Variants in AP2A2 observed in about 807,000 individuals in gnomAD.
AP2A2 encodes the protein AP-2 complex subunit alpha-2.
Under a neutral mutation model 104.2 loss-of-function variants are expected in AP2A2, and 32 were observed. That is an observed-to-expected ratio of 0.31 (90% CI 0.23 to 0.41). AP2A2 has a LOEUF of 0.41. AP2A2 is among the 10% of genes least tolerant of loss of function. AP2A2 has a pLI of 1.00. For synonymous variants in AP2A2, 539 were observed against 533.3 expected (o/e 1.01, Z -0.15); for missense variants, 912 against 1,261.0 (o/e 0.72, Z 4.19).
intron 1 of AP2A2, among the ~76,000 whole-genome samples, chr11:930,336 T>C (rs1200816500): frequency 6.6e-6 from 1 of 152,114 alleles, no homozygotes; most frequent in Non-Finnish European, 1.5e-5. Context: ...GTTGTAGCTT[T>C]TGTGGCTCAG....
Position 931,648 on chromosome 11 carries a change from G to A in AP2A2, c.67+5560G>A, listed in dbSNP as rs114138110. 7.9e-3 allele frequency among the ~76,000 whole-genome samples: 1,198 copies of A among 152,268 alleles called. 24 individuals are homozygous for A. Among genetic ancestry groups the A allele is most frequent in the African/African-American group, 0.028 (1,144 of 41,556 alleles). ...CAGGTCCTCACATGAAGGGGAAACA[G>A]ATGGAGAGATGTTATTAGCAAGATG... is the stretch of plus-strand genomic sequence containing the variant. On this transcript the variant is annotated intron_variant, in intron 1 of 21. Transcript: ENST00000448903.
intron 14 of AP2A2, among the ~76,000 whole-genome samples, chr11:997,069 C>T (rs1377740983): frequency 6.6e-6 from 1 of 152,166 alleles, no homozygotes; most frequent in Non-Finnish European, 1.5e-5. Context: ...TTTTCTTGCT[C>T]AGGGTCTTCT....
intron 1 of AP2A2, among the ~76,000 whole-genome samples, chr11:928,117 C>T (rs180958916): frequency 2.6e-5 from 4 of 152,280 alleles, no homozygotes; most frequent in East Asian, 1.9e-4. Context: ...CCAGGGCCTG[C>T]GTTTGACAGG....
Position 961,970 on chromosome 11 carries a change from C to G in AP2A2, c.136+2465C>G, listed in dbSNP as rs7936506. On this transcript the variant is annotated intron_variant, in intron 2 of 21. Coordinates refer to ENST00000448903, the MANE Select transcript of AP2A2 (RefSeq NM_012305.4). ...GGCAGAAGCAGATGGAGATGTGGGT[C>G]TGACAGTCGCCACCACTAGTGAAAA... is the stretch of plus-strand genomic sequence containing the variant. Among the ~76,000 whole-genome samples, 946 of 150,530 alleles carry G rather than the reference C, an allele frequency of 6.3e-3. 13 individuals carry two copies. Among genetic ancestry groups the G allele is most frequent in the African/African-American group, 0.022 (904 of 40,730 alleles).
intron 14 of AP2A2, among the ~76,000 whole-genome samples, chr11:997,972 A>G (rs1855908856): frequency 6.6e-6 from 1 of 152,256 alleles, no homozygotes; most frequent in East Asian, 1.9e-4. Context: ...CCAGGGTAAC[A>G]TCTGTGATGA....
chr11:958,534 A>G (rs1443262929), intron 1 of AP2A2, among the ~76,000 whole-genome samples: 1 of 152,240 alleles, frequency 6.6e-6, no homozygotes, highest in East Asian at 1.9e-4. Context: ...AGACTATTTT[A>G]AATGACTAGA....
Position 993,950 on chromosome 11 carries a change from C to A in AP2A2, c.1747C>A (p.Leu583Met). ...VELQQRAVEY[L>M]RLSTVASTDI... is the part of the protein sequence containing the mutation. The stretch of plus-strand genomic sequence containing the variant: ...GCTGCAGCAGCGTGCTGTGGAGTAC[C>A]TGCGGCTCAGCACCGTGGCCAGCAC... The change falls in exon 13 of 22, where the codon CTG (leucine) becomes ATG (methionine). Residue 583 changes from leucine to methionine, a missense_variant. Transcript: ENST00000448903. The surrounding 1 kb of genome is among the most constrained non-coding windows in gnomAD (Gnocchi z 8.2). 1 of 1,612,616 alleles carries A rather than the reference C, an allele frequency of 6.2e-7. No individual in the cohort carries two copies. Among genetic ancestry groups the A allele is most frequent in the Non-Finnish European group, 8.5e-7 (1 of 1,179,762 alleles).
intron 15 of AP2A2, among the ~76,000 whole-genome samples, chr11:1,002,779 C>T (rs1435002166): frequency 6.6e-6 from 1 of 152,268 alleles, no homozygotes; most frequent in African/African-American, 2.4e-5. Flanking sequence ...AGACTGGCTG[C>T]AGGAGTGGCT....
intron 1 of AP2A2, among the ~76,000 whole-genome samples, chr11:945,981 A>C (rs944952797): frequency 2.0e-5 from 3 of 152,222 alleles, no homozygotes; most frequent in Admixed American, 2.0e-4. Flanking sequence ...AGAGGCATGC[A>C]TGCTAAACAT....
intron 2 of AP2A2, among the ~76,000 whole-genome samples, chr11:963,738 T>G (rs772621088): frequency 1.4e-4 from 21 of 152,220 alleles, no homozygotes; most frequent in Non-Finnish European, 2.9e-4. Context: ...TCCTTCCACC[T>G]TGGCCTCCCA....
At chr11:956,189 C>CT (rs906121336) in intron 1 of AP2A2, among the ~76,000 whole-genome samples, 7 of 151,402 alleles carry the variant, frequency 4.6e-5, no homozygotes, top group South Asian at 2.1e-4. Flanking sequence ...TTTCTTTTTT[C>CT]TTTTTTTTTC....
At chr11:955,942 G>A (rs560413660) in intron 1 of AP2A2, among the ~76,000 whole-genome samples, 18 of 152,298 alleles carry the variant, frequency 1.2e-4, no homozygotes, top group African/African-American at 4.3e-4. Flanking sequence ...GTGTTCTGAT[G>A]TGGATGGGTT....
Position 995,035 on chromosome 11 carries a change from G to A in AP2A2, c.1956+790G>A, listed in dbSNP as rs546017090. Among the ~76,000 whole-genome samples, 35 of 151,608 alleles carry A rather than the reference G, an allele frequency of 2.3e-4. No homozygotes were observed. The South Asian group carries it at 7.1e-3, about 31-fold the overall frequency. On this transcript the variant is annotated intron_variant, in intron 14 of 21. Transcript: ENST00000448903. The stretch of plus-strand genomic sequence containing the variant: ...GGCCACTGTCCCTGCTGCACACCCC[G>A]CTGTCCTCTCCCGGGGGCCACTGTG...
intron 17 of AP2A2, chr11:1,007,793 TGGA>T (rs1480091203): frequency 4.8e-6 from 3 of 626,220 alleles, no homozygotes; most frequent in African/African-American, 1.8e-5. Context: ...CTTTTTAAAA[TGGA>T]GGAGCCATTC....
At position 925,945 on chromosome 11, in the gene AP2A2, A is replaced by G. The variant is rs1853103335; in HGVS notation, c.-77A>G. ...CGGCTCCTCCGCGGCGGTGACGGCG[A>G]CCGCACTCCCCGCTTCCCGCTCCCC... On this transcript the variant is annotated 5_prime_UTR_variant, in exon 1 of 22. Coordinates refer to ENST00000448903, the MANE Select transcript of AP2A2 (RefSeq NM_012305.4). 8.7e-7 allele frequency: 1 copy of G among 1,155,248 alleles called. No individual in the cohort carries two copies. Among genetic ancestry groups the G allele is most frequent in the Non-Finnish European group, 1.1e-6 (1 of 880,256 alleles). The allele number at this position is 1,155,248 out of a possible 1,614,324, so 71.6% of individuals were successfully genotyped here.
Position 977,150 on chromosome 11 carries a change from A to G in AP2A2, c.529A>G (p.Arg177Gly). ...SAALCLLRLY[R>G]TSPDLVPMGD... Reference sequence around the variant, plus strand: ...GGCCCTGTGCTTGCTGCGCCTGTACAGGACGTCCCCCGATCTTGTCCCCAT... The same window carrying G: ...GGCCCTGTGCTTGCTGCGCCTGTACGGGACGTCCCCCGATCTTGTCCCCAT... Residue 177 changes from arginine (R) to glycine (G), a missense_variant, in exon 5 of 22, where the codon AGG (arginine) becomes GGG (glycine). By Grantham distance (125) the Arg-to-Gly change is moderately radical. Transcript: ENST00000448903. 1 of 1,613,670 alleles carries G rather than the reference A, an allele frequency of 6.2e-7. No homozygotes were observed. The highest frequency in any genetic ancestry group is 8.5e-7 in the Non-Finnish European group (1 of 1,179,712).
chr11:1,007,774 T>C (rs911607925), intron 17 of AP2A2: 1 of 604,032 alleles, frequency 1.7e-6, no homozygotes, highest in South Asian at 2.0e-5. Context: ...TAGTATATAA[T>C]CTAAGTGACT....
chr11:1,001,737 G>C (rs1856036081), intron 15 of AP2A2, among the ~76,000 whole-genome samples: 1 of 152,146 alleles, frequency 6.6e-6, no homozygotes, highest in Admixed American at 6.5e-5. Flanking sequence ...GGGACCAGGG[G>C]CTGGGCAGTC....
chr11:935,838 C>G (rs1009176376), intron 1 of AP2A2, among the ~76,000 whole-genome samples: 3 of 151,572 alleles, frequency 2.0e-5, no homozygotes, highest in Non-Finnish European at 4.4e-5. Flanking sequence ...TCGTGATCCA[C>G]CCGCCTTGGC....
Sources: gnomAD v4.1 joint callset for allele counts (sites outside exome capture counted in the v4.1 genomes callset) on GRCh38, gnomAD v4.1.1 for gene constraint, Gnocchi (gnomAD v3.1) non-coding constraint, MANE v1.5 for transcripts, NCBI Gene and HGNC (gene_info 2026-07-23, HGNC 2026-07-21) for gene names.